RBM6: variants seen among roughly 807,000 people sequenced by gnomAD.
The protein encoded by RBM6 is RNA-binding protein 6.
In RBM6, 23 loss-of-function variants were observed where a neutral mutation model predicts 140.4. That is an observed-to-expected ratio of 0.16 (90% CI 0.12 to 0.23). The LOEUF is 0.23. RBM6 is among the 10% of genes least tolerant of loss of function. The pLI is 1.00. For synonymous variants in RBM6, 439 were observed against 475.6 expected (o/e 0.92, Z 1.00); for missense variants, 1,139 against 1,386.7 (o/e 0.82, Z 2.84).
intron 5 of RBM6, among the ~76,000 whole-genome samples, chr3:49,977,928 G>A (rs2085129418): frequency 6.6e-6 from 1 of 152,060 alleles, no homozygotes. Flanking sequence ...ATCAGCCTGA[G>A]CAACATAGCA....
intron 1 of RBM6, among the ~76,000 whole-genome samples, chr3:49,960,916 T>C (rs1001653200): frequency 4.6e-5 from 7 of 151,376 alleles, no homozygotes; most frequent in African/African-American, 1.7e-4. Context: ...GTACCTTTTT[T>C]TTTTTTTTTT....
At chr3:50,004,317 C>CCCTCT (rs2086479162) in intron 6 of RBM6, among the ~76,000 whole-genome samples, 4 of 147,738 alleles carry the variant, frequency 2.7e-5, no homozygotes, top group African/African-American at 1.0e-4. Flanking sequence ...CCCCCCCCTC[C>CCCTCT]CCTCTCCTCT....
chr3:49,956,821 A>G (rs1178163231), intron 1 of RBM6, among the ~76,000 whole-genome samples: 1 of 149,544 alleles, frequency 6.7e-6, no homozygotes, highest in Non-Finnish European at 1.5e-5. Context: ...ATGCGCCACC[A>G]TGCCCAGCTA....
chr3:50,057,637 A>G (rs2089761155), intron 8 of RBM6, 91 bp from the exon 9 acceptor site: 7 of 913,510 alleles, frequency 7.7e-6, no homozygotes, highest in South Asian at 1.9e-5. Flanking sequence ...ATTTGCTGGC[A>G]GGTAAGGAGA....
At chr3:50,071,852 G>A (rs532283619) in intron 19 of RBM6, among the ~76,000 whole-genome samples, 12 of 152,176 alleles carry the variant, frequency 7.9e-5, no homozygotes, top group East Asian at 5.8e-4. Flanking sequence ...TTGGGAGGCC[G>A]AGGCGGGTGG....
At chr3:49,982,290 T>TG (rs2085345380) in intron 5 of RBM6, among the ~76,000 whole-genome samples, 3 of 141,858 alleles carry the variant, frequency 2.1e-5, no homozygotes, top group Non-Finnish European at 4.6e-5. Flanking sequence ...TTTTTTTTTT[T>TG]GGTAGAAACA....
At chr3:49,993,944 A>G (rs2085949045) in intron 5 of RBM6, among the ~76,000 whole-genome samples, 1 of 152,252 alleles carries the variant, frequency 6.6e-6, no homozygotes, top group Non-Finnish European at 1.5e-5. Flanking sequence ...CTCCATCTCA[A>G]ATAAAAAAAA....
At chr3:50,033,769 G>A (rs901054983) in intron 6 of RBM6, among the ~76,000 whole-genome samples, 2 of 152,114 alleles carry the variant, frequency 1.3e-5, no homozygotes, top group Non-Finnish European at 2.9e-5. Flanking sequence ...AGCCTCCCGA[G>A]TAGCTGGGGC....
At position 50,019,801 on chromosome 3, in the gene RBM6, T is replaced by C. The variant is rs527299355; in HGVS notation, c.1557+20288T>C. 4.6e-5 allele frequency among the ~76,000 whole-genome samples: 7 copies of C among 152,294 alleles called. No homozygotes were observed. In the South Asian group the frequency reaches 1.2e-3, roughly 27 times the overall value. ...TCTGTTCCTAGTTTGCTGAGAGGTT[T>C]TTTTTTTTAAATCATGAAAGGGGAT... On this transcript the variant is annotated intron_variant, in intron 6 of 20. Coordinates refer to ENST00000266022, the MANE Select transcript of RBM6 (RefSeq NM_005777.3).
intron 5 of RBM6, 96 bp from the exon 6 acceptor site, chr3:49,999,344 G>A (rs1158604269): frequency 9.6e-6 from 10 of 1,036,814 alleles, no homozygotes; most frequent in Non-Finnish European, 1.5e-5. Context: ...GGGAGGGCTT[G>A]TGTTTAAGGG....
chr3:50,028,064 G>T (rs932326743), intron 6 of RBM6, among the ~76,000 whole-genome samples: 2 of 146,938 alleles, frequency 1.4e-5, no homozygotes, highest in Admixed American at 6.8e-5. Context: ...TTTTGTACTT[G>T]TTTTTTTTTT....
chr3:50,076,684 G>A (rs545228928), intron 20 of RBM6, among the ~76,000 whole-genome samples: 113 of 151,954 alleles, frequency 7.4e-4, no homozygotes, highest in African/African-American at 2.6e-3. Flanking sequence ...CCAGGAGTTC[G>A]AGACCAGCCT....
intron 1 of RBM6, among the ~76,000 whole-genome samples, chr3:49,952,575 A>G (rs575340074): frequency 1.3e-5 from 2 of 149,316 alleles, no homozygotes; most frequent in African/African-American, 2.5e-5. Context: ...TCTCGACTCA[A>G]CGCAACCTCT....
intron 8 of RBM6, among the ~76,000 whole-genome samples, chr3:50,056,679 G>A (rs995642630): frequency 6.6e-6 from 1 of 152,214 alleles, no homozygotes; most frequent in Non-Finnish European, 1.5e-5. Flanking sequence ...CTGCTATTAT[G>A]TAATCTCTAT....
chr3:49,980,327 A>T (rs917898725), intron 5 of RBM6, among the ~76,000 whole-genome samples: 2 of 152,046 alleles, frequency 1.3e-5, no homozygotes, highest in Non-Finnish European at 2.9e-5. Flanking sequence ...ATTCTTAGAA[A>T]ATACATAATG....
chr3:50,034,516 C>T (rs933933742), intron 6 of RBM6, among the ~76,000 whole-genome samples: 2 of 152,116 alleles, frequency 1.3e-5, no homozygotes, highest in Non-Finnish European at 2.9e-5. Context: ...AATCCCAGCA[C>T]TTTGGGAGGC....
chr3:50,073,164 G>A (rs372553133), intron 19 of RBM6, among the ~76,000 whole-genome samples: 2 of 152,142 alleles, frequency 1.3e-5, no homozygotes, highest in East Asian at 3.8e-4. Context: ...TTTATCCCCT[G>A]TGTCCAATTA....
chr3:50,024,279 G>A (rs1037393523), intron 6 of RBM6, among the ~76,000 whole-genome samples: 2 of 151,986 alleles, frequency 1.3e-5, no homozygotes, highest in African/African-American at 2.4e-5. Context: ...TTTTATTGAC[G>A]TATACATACA....
At chr3:50,058,334 T>G in intron 9 of RBM6, 68 bp from the exon 10 acceptor site, 2 of 1,499,080 alleles carry the variant, frequency 1.3e-6, no homozygotes, top group East Asian at 4.5e-5. Context: ...ACAGTCAGAT[T>G]CTTGGGACTT....
Sources: gnomAD v4.1 joint callset for allele counts (sites outside exome capture counted in the v4.1 genomes callset) on GRCh38, gnomAD v4.1.1 for gene constraint, MANE v1.5 for transcripts, NCBI Gene and HGNC (gene_info 2026-07-23, HGNC 2026-07-21) for gene names.